Variants in MARCHF1 observed in about 807,000 individuals in gnomAD.
MARCHF1 encodes E3 ubiquitin-protein ligase MARCHF1.
Under a neutral mutation model 54.2 loss-of-function variants are expected in MARCHF1, and 40 were observed. That is an observed-to-expected ratio of 0.74 (90% CI 0.57 to 0.96). The LOEUF is 0.96. Ranked by LOEUF, MARCHF1 falls within the 40% of genes least tolerant of loss-of-function variation. The pLI is 0.00. For synonymous variants in MARCHF1, 236 were observed against 236.3 expected, an observed-to-expected ratio of 1.00 and a Z score of 0.01; for missense variants, 586 against 656.5, an observed-to-expected ratio of 0.89 and a Z score of 1.17.
In MARCHF1 at chr4:163,527,633, T is replaced by TCG. The variant is rs1738165191; in HGVS notation, c.*1114_*1115insCG. 1.0e-5 allele frequency: 1 copy of TCG among 95,300 alleles called. No homozygotes were observed. Among genetic ancestry groups the TCG allele is most frequent in the Non-Finnish European group, 2.4e-5 (1 of 41,142 alleles). 5.9% of individuals were successfully genotyped at this position (95,300 alleles called of 1,614,324 possible). A position where few individuals can be genotyped will look rare whatever the true frequency, so the allele number is the denominator to read the frequency against. Reference sequence around the variant, plus strand: ...TGCTTTTAAAAATCATAACTAACTTTTGTGACTTTGAAATAAAAGAATGAA... The same window carrying TCG: ...TGCTTTTAAAAATCATAACTAACTTTCGTGTGACTTTGAAATAAAAGAATGAA... On this transcript the variant is annotated 3_prime_UTR_variant, in exon 10 of 10. Coordinates refer to ENST00000514618, the MANE Select transcript of MARCHF1 (RefSeq NM_001394959.1).
intron 4 of MARCHF1, among the ~76,000 whole-genome samples, chr4:163,795,838 T>C (rs1200849445): frequency 1.3e-5 from 2 of 152,200 alleles, no homozygotes; most frequent in Non-Finnish European, 2.9e-5. Context: ...AGCCTACTGT[T>C]GACTGGAAGC....
At chr4:163,735,770 C>T (rs1436654748) in intron 4 of MARCHF1, among the ~76,000 whole-genome samples, 1 of 152,194 alleles carries the variant, frequency 6.6e-6, no homozygotes, top group Non-Finnish European at 1.5e-5. Context: ...CACTATTATA[C>T]TGGAACACTC....
chr4:163,731,503 G>T (rs2111325924), intron 4 of MARCHF1, among the ~76,000 whole-genome samples: 1 of 152,278 alleles, frequency 6.6e-6, no homozygotes, highest in South Asian at 2.1e-4. Flanking sequence ...GCATAGTGAG[G>T]GAAAACCCAG....
At chr4:163,944,759 G>A (rs1324868385) in intron 3 of MARCHF1, among the ~76,000 whole-genome samples, 1 of 152,028 alleles carries the variant, frequency 6.6e-6, no homozygotes, top group African/African-American at 2.4e-5. Flanking sequence ...ATTTCATTAG[G>A]GCATGAATCT....
At chr4:164,205,511 A>C (rs1731581947) in intron 1 of MARCHF1, among the ~76,000 whole-genome samples, 1 of 152,192 alleles carries the variant, frequency 6.6e-6, no homozygotes, top group Non-Finnish European at 1.5e-5. Flanking sequence ...CATCATCCTC[A>C]ATTGATTGCC....
chr4:164,198,866 C>A (rs1256124569), intron 1 of MARCHF1, among the ~76,000 whole-genome samples: 1 of 152,150 alleles, frequency 6.6e-6, no homozygotes, highest in East Asian at 1.9e-4. Context: ...GAAATACATT[C>A]CCTGAAACTC....
intron 2 of MARCHF1, among the ~76,000 whole-genome samples, chr4:164,042,842 T>C (rs1032201250): frequency 6.6e-6 from 1 of 152,164 alleles, no homozygotes; most frequent in African/African-American, 2.4e-5. Context: ...CCATTTCAAA[T>C]GGGAGAAATT....
Position 164,107,600 on chromosome 4 carries a change from T to C in MARCHF1, c.-248+3988A>G, listed in dbSNP as rs185064297. On this transcript the variant is annotated intron_variant, in intron 2 of 9. Coordinates refer to ENST00000514618, the MANE Select transcript of MARCHF1 (RefSeq NM_001394959.1). ...CTGGTATGGAACTGCTGGGCTCAAG[T>C]AATCCACCCACTTCTGCCCCTCAAA... is the stretch of plus-strand genomic sequence containing the variant. Among the ~76,000 whole-genome samples the C allele has an allele frequency of 9.2e-3, 1,398 of 152,180 alleles. 11 individuals carry two copies. The highest frequency in any genetic ancestry group is 0.014 in the Non-Finnish European group (958 of 67,992).
chr4:164,072,994 T>C (rs756003116), intron 2 of MARCHF1, among the ~76,000 whole-genome samples: 78 of 152,154 alleles, frequency 5.1e-4, no homozygotes, highest in Admixed American at 8.5e-4. Context: ...GTTTTTAACA[T>C]AGAGGATGAA....
chr4:163,878,484 T>C (rs1750341830), intron 3 of MARCHF1, among the ~76,000 whole-genome samples: 1 of 152,210 alleles, frequency 6.6e-6, no homozygotes, highest in Non-Finnish European at 1.5e-5. Context: ...CAGAAAGGCT[T>C]TTCTAACTCA....
chr4:164,131,092 T>C (rs959324647), intron 1 of MARCHF1, among the ~76,000 whole-genome samples: 1 of 152,136 alleles, frequency 6.6e-6, no homozygotes, highest in Admixed American at 6.6e-5. Flanking sequence ...ATGTAACGTA[T>C]ATATCCTATC....
chr4:164,037,480 G>A (rs935919735), intron 2 of MARCHF1, among the ~76,000 whole-genome samples: 1 of 152,036 alleles, frequency 6.6e-6, no homozygotes, highest in Non-Finnish European at 1.5e-5. Context: ...TTTATCAGCA[G>A]CCCCAGATAA....
At chr4:163,859,452 C>T (rs1010945765) in intron 3 of MARCHF1, among the ~76,000 whole-genome samples, 2 of 151,568 alleles carry the variant, frequency 1.3e-5, no homozygotes, top group South Asian at 4.2e-4. Flanking sequence ...CTCTGCCTCC[C>T]AGGTTCAAGC....
At chr4:164,056,163 G>A (rs1754484772) in intron 2 of MARCHF1, among the ~76,000 whole-genome samples, 2 of 152,106 alleles carry the variant, frequency 1.3e-5, no homozygotes, top group South Asian at 4.1e-4. Flanking sequence ...CTGGCTCTGT[G>A]TGCTCTGTCT....
At chr4:164,118,924 T>C (rs1481538119) in intron 1 of MARCHF1, among the ~76,000 whole-genome samples, 1 of 140,048 alleles carries the variant, frequency 7.1e-6, no homozygotes, top group Non-Finnish European at 1.6e-5. Flanking sequence ...CAAACTCAAG[T>C]AGATATGAGA....
At chr4:163,876,646 G>A (rs2111232101) in intron 3 of MARCHF1, among the ~76,000 whole-genome samples, 1 of 152,218 alleles carries the variant, frequency 6.6e-6, no homozygotes, top group South Asian at 2.1e-4. Flanking sequence ...GTAGGCATCA[G>A]GATAGAAGCA....
intron 1 of MARCHF1, among the ~76,000 whole-genome samples, chr4:164,356,806 A>G (rs1429069171): frequency 6.6e-6 from 1 of 151,286 alleles, no homozygotes; most frequent in African/African-American, 2.4e-5. Context: ...AGTATTGTTA[A>G]CACTTTTGTC....
At position 163,859,332 on chromosome 4, in the gene MARCHF1, C is replaced by T. The variant is rs1425444263; in HGVS notation, c.-38-5163G>A. The stretch of plus-strand genomic sequence containing the variant: ...AATACAAGGAAGTAGGGCTCTCATT[C>T]TCTCCTCTATTGAGGCAGTGCAGAG... On this transcript the variant is annotated intron_variant, in intron 3 of 9. Transcript: ENST00000514618. Among the ~76,000 whole-genome samples, 20 of 151,442 alleles carry T rather than the reference C, an allele frequency of 1.3e-4. No individual in the cohort carries two copies. The Middle Eastern group carries it at 0.01, about 78-fold the overall frequency.
chr4:164,333,857 G>A (rs1219559436), intron 1 of MARCHF1, among the ~76,000 whole-genome samples: 1 of 152,212 alleles, frequency 6.6e-6, no homozygotes, highest in Non-Finnish European at 1.5e-5. Flanking sequence ...GTTCTTGAAG[G>A]AAATTAAAAG....
Sources: gnomAD v4.1 joint callset for allele counts (sites outside exome capture counted in the v4.1 genomes callset) on GRCh38, gnomAD v4.1.1 for gene constraint, MANE v1.5 for transcripts, NCBI Gene and HGNC (gene_info 2026-07-23, HGNC 2026-07-21) for gene names.